The following SETBP1 variants were observed in gnomAD, a reference collection of about 807,000 sequenced individuals.
SETBP1 encodes SET binding protein 1.
In SETBP1, 9 loss-of-function variants were observed where a neutral mutation model predicts 101.0. That is an observed-to-expected ratio of 0.09 (90% CI 0.05 to 0.16). SETBP1 has a LOEUF of 0.16. Ranked by LOEUF, SETBP1 falls within the 10% of genes least tolerant of loss-of-function variation. The pLI, the probability that SETBP1 is intolerant of heterozygous loss-of-function variation, is 1.00. For synonymous variants in SETBP1, 818 were observed against 788.5 expected (o/e 1.04, Z -0.63); for missense variants, 1,858 against 2,033.8 (o/e 0.91, Z 1.66).
At chr18:45,004,750 G>A (rs1264312992) in intron 4 of SETBP1, among the ~76,000 whole-genome samples, 9 of 152,204 alleles carry the variant, frequency 5.9e-5, no homozygotes, top group Admixed American at 3.3e-4. Flanking sequence ...TCACTCATGG[G>A]TGAGAGCTTA....
At chr18:44,777,988 T>G (rs2071039840) in intron 2 of SETBP1, among the ~76,000 whole-genome samples, 1 of 152,222 alleles carries the variant, frequency 6.6e-6, no homozygotes, top group African/African-American at 2.4e-5. Flanking sequence ...GGAATTTCAC[T>G]GACAGATTCC....
rs531772148 is a variant in SETBP1, at chr18:45,033,546, G to A, written c.4001-4939G>A. Among the ~76,000 whole-genome samples the A allele has an allele frequency of 2.0e-5, 3 of 152,340 alleles. No individual in the cohort carries two copies. In the South Asian group the frequency reaches 6.2e-4, roughly 32 times the overall value. On this transcript the variant is annotated intron_variant, in intron 4 of 5. Transcript: ENST00000649279. ...TCTTCTGCAGTGTAAAGGGAGCCAG[G>A]AAGATGACTAAAGGGACCAACCATC...
intron 2 of SETBP1, among the ~76,000 whole-genome samples, chr18:44,801,104 G>A (rs2071598130): frequency 6.6e-6 from 1 of 152,094 alleles, no homozygotes; most frequent in Non-Finnish European, 1.5e-5. Context: ...ACATAGGAAG[G>A]GGAATATCAC....
chr18:44,880,512 G>A (rs563365875), intron 3 of SETBP1, among the ~76,000 whole-genome samples: 51 of 152,254 alleles, frequency 3.3e-4, no homozygotes, highest in Admixed American at 9.8e-4. Context: ...TTCTTGTATC[G>A]TTATAAAGAA....
At position 45,067,051 on chromosome 18, in the gene SETBP1, G is replaced by A. The variant is rs570619252; in HGVS notation, c.*3353G>A. On this transcript the variant is annotated 3_prime_UTR_variant, in exon 6 of 6. Coordinates refer to ENST00000649279, the MANE Select transcript of SETBP1 (RefSeq NM_015559.3). ...GTCAAAGGAAGGGAAAGCATGTCAG[G>A]GGCTGGTTTGTGACTTGGCAGGACC... 1 of 152,174 alleles carries A rather than the reference G, an allele frequency of 6.6e-6. No individual in the cohort carries two copies. The allele number at this position is 152,174 out of a possible 1,614,324, so 9.4% of individuals were successfully genotyped here.
chr18:44,766,097 GGTGTGTGTGT>G (rs373344997), intron 2 of SETBP1, among the ~76,000 whole-genome samples: 1 of 151,998 alleles, frequency 6.6e-6, no homozygotes, highest in Non-Finnish European at 1.5e-5. Flanking sequence ...CCCATTCTGG[GGTGTGTGTGT>G]GTGGAATTGC....
intron 2 of SETBP1, among the ~76,000 whole-genome samples, chr18:44,709,812 ATT>A (rs35610551): frequency 3.4e-4 from 41 of 121,542 alleles, no homozygotes; most frequent in African/African-American, 1.9e-4. Context: ...ATCACTAATG[ATT>A]TTTTTTTTTT....
chr18:45,019,034 C>T (rs1322667192), intron 4 of SETBP1, among the ~76,000 whole-genome samples: 1 of 152,106 alleles, frequency 6.6e-6, no homozygotes, highest in Non-Finnish European at 1.5e-5. Context: ...CTTGCCACCC[C>T]ACCATGTCTT....
At chr18:45,059,061 T>G (rs112598393) in intron 5 of SETBP1, among the ~76,000 whole-genome samples, 481 of 152,346 alleles carry the variant, frequency 3.2e-3, no homozygotes, top group African/African-American at 9.3e-3. Flanking sequence ...GCCACTTATT[T>G]ATAATTTTTT....
chr18:45,060,925 T>C (rs1421021870), intron 5 of SETBP1, among the ~76,000 whole-genome samples: 3 of 152,238 alleles, frequency 2.0e-5, no homozygotes, highest in African/African-American at 7.2e-5. Context: ...TATTGCCAAC[T>C]AATTGATTTA....
At chr18:44,943,167 C>T (rs2071123946) in intron 3 of SETBP1, among the ~76,000 whole-genome samples, 1 of 152,200 alleles carries the variant, frequency 6.6e-6, no homozygotes, top group Non-Finnish European at 1.5e-5. Flanking sequence ...ATGGAATGTG[C>T]ATTCCTCCTG....
chr18:45,045,725 T>C (rs1023034543), intron 5 of SETBP1, among the ~76,000 whole-genome samples: 1 of 152,080 alleles, frequency 6.6e-6, no homozygotes, highest in African/African-American at 2.4e-5. Context: ...GTCTGTAAAA[T>C]GGGGAAAAGA....
intron 4 of SETBP1, among the ~76,000 whole-genome samples, chr18:45,014,576 A>G (rs2072904768): frequency 6.6e-6 from 1 of 152,188 alleles, no homozygotes; most frequent in South Asian, 2.1e-4. Flanking sequence ...TCCTCCTGGC[A>G]CACACTCAGG....
chr18:44,931,420 T>C (rs1224740008), intron 3 of SETBP1, among the ~76,000 whole-genome samples: 2 of 152,184 alleles, frequency 1.3e-5, no homozygotes, highest in African/African-American at 4.8e-5. Context: ...ATTCTGTTGA[T>C]TTGGGGTGGA....
chr18:44,773,929 GGCATA>G (rs1289603354), intron 2 of SETBP1, among the ~76,000 whole-genome samples: 1 of 150,300 alleles, frequency 6.7e-6, no homozygotes, highest in African/African-American at 2.4e-5. Flanking sequence ...TGAGGTAAAA[GGCATA>G]GCTCCTAGGT....
intron 3 of SETBP1, among the ~76,000 whole-genome samples, chr18:44,936,366 A>G (rs560137591): frequency 1.6e-4 from 24 of 152,336 alleles, no homozygotes; most frequent in African/African-American, 5.8e-4. Context: ...CTGCATTCCA[A>G]TTAGCCCCTC....
chr18:44,698,104 T>A (rs1303626311), intron 1 of SETBP1, among the ~76,000 whole-genome samples: 1 of 152,248 alleles, frequency 6.6e-6, no homozygotes, highest in Non-Finnish European at 1.5e-5. Flanking sequence ...CTGGAATAGA[T>A]GAATTCCTAA....
intron 4 of SETBP1, among the ~76,000 whole-genome samples, chr18:45,019,454 G>GT (rs2073013493): frequency 6.6e-6 from 1 of 152,114 alleles, no homozygotes; most frequent in Non-Finnish European, 1.5e-5. Flanking sequence ...TGTATTTATC[G>GT]TTTTTTGTGA....
At chr18:44,709,993 G>T (rs1390258658) in intron 2 of SETBP1, among the ~76,000 whole-genome samples, 1 of 151,998 alleles carries the variant, frequency 6.6e-6, no homozygotes, top group Non-Finnish European at 1.5e-5. Flanking sequence ...ATCAAGTGGG[G>T]TTCAGCTGGC....
Sources: allele counts gnomAD v4.1 joint callset (sites outside exome capture counted in the v4.1 genomes callset), GRCh38; gene constraint gnomAD v4.1.1; transcripts MANE v1.5; gene names NCBI Gene and HGNC (gene_info 2026-07-23, HGNC 2026-07-21).